The following ZRANB3 variants were observed in gnomAD, a reference collection of about 807,000 sequenced individuals.
ZRANB3 encodes the protein zinc finger RANBP2-type containing 3, also known as DNA annealing helicase and endonuclease ZRANB3.
Under a neutral mutation model 133.8 loss-of-function variants are expected in ZRANB3, and 125 were observed. The ratio of observed to expected loss-of-function variants is 0.93; its 90% CI spans 0.81 to 1.08. ZRANB3 has a LOEUF of 1.08. ZRANB3 is among the 50% of genes least tolerant of loss of function. The probability of loss-of-function intolerance (pLI) is 0.00; values close to 1 mark genes in which losing one functional copy is unlikely to be tolerated. For missense variants in ZRANB3, 1,229 were observed against 1,275.5 expected (o/e 0.96, Z 0.56); for synonymous variants, 387 against 432.7 (o/e 0.89, Z 1.31).
At chr2:135,505,406 T>C (rs1038503936) in intron 1 of ZRANB3, among the ~76,000 whole-genome samples, 10 of 152,028 alleles carry the variant, frequency 6.6e-5, no homozygotes, top group Admixed American at 5.9e-4. Context: ...AAACCCCATA[T>C]CTATTAAAAA....
At chr2:135,384,690 T>A (rs927874758) in intron 3 of ZRANB3, among the ~76,000 whole-genome samples, 13 of 152,176 alleles carry the variant, frequency 8.5e-5, no homozygotes, top group Non-Finnish European at 1.6e-4. Flanking sequence ...TGGTTCAACA[T>A]ATGCAAATCA....
Position 135,419,639 on chromosome 2 carries a change from A to G in ZRANB3, c.162-28819T>C, listed in dbSNP as rs560073877. Reference sequence around the variant, plus strand: ...TGAGATAACTATCCTTGGCCACGGGAATCAGTAACAAGGATGGCACCAGTC... The same window carrying G: ...TGAGATAACTATCCTTGGCCACGGGGATCAGTAACAAGGATGGCACCAGTC... On this transcript the variant is annotated intron_variant, in intron 2 of 20. Transcript: ENST00000264159. 3.9e-5 allele frequency among the ~76,000 whole-genome samples: 6 copies of G among 152,086 alleles called. No homozygotes were observed. The East Asian group carries it at 1.2e-3, about 29-fold the overall frequency.
At chr2:135,461,897 T>C (rs1690782543) in intron 2 of ZRANB3, among the ~76,000 whole-genome samples, 1 of 152,114 alleles carries the variant, frequency 6.6e-6, no homozygotes, top group Admixed American at 6.5e-5. Context: ...TTAAAACATA[T>C]AAATCATTTA....
intron 2 of ZRANB3, among the ~76,000 whole-genome samples, chr2:135,480,345 C>T (rs760405899): frequency 9.2e-5 from 14 of 152,074 alleles, no homozygotes; most frequent in Admixed American, 7.9e-4. Context: ...ATAGTAAAAC[C>T]ACCAGGTATT....
Position 135,199,317 on chromosome 2 carries a change from G to A in ZRANB3, c.*1025C>T, listed in dbSNP as rs1408421566. On this transcript the variant is annotated 3_prime_UTR_variant, in exon 21 of 21. Transcript: ENST00000264159. ...TTTTTTTGTTTGTTTGTTTGTTTGA[G>A]ACGGAGTCTCGCTCTGTCGCCCAGG... 2 of 152,024 alleles carry A rather than the reference G, an allele frequency of 1.3e-5. No individual in the cohort carries two copies. Among genetic ancestry groups the A allele is most frequent in the Non-Finnish European group, 2.9e-5 (2 of 68,030 alleles). The allele number at this position is 152,024 out of a possible 1,614,324, so 9.4% of individuals were successfully genotyped here. A position where few individuals can be genotyped will look rare whatever the true frequency, so the allele number is the denominator to read the frequency against.
At chr2:135,323,276 A>G (rs1005061149) in intron 6 of ZRANB3, among the ~76,000 whole-genome samples, 9 of 152,220 alleles carry the variant, frequency 5.9e-5, no homozygotes, top group Non-Finnish European at 1.3e-4. Context: ...ATATCAAATA[A>G]TAGTGCCTTG....
intron 2 of ZRANB3, among the ~76,000 whole-genome samples, chr2:135,503,444 T>C (rs1475758896): frequency 1.3e-5 from 2 of 152,188 alleles, no homozygotes; most frequent in African/African-American, 4.8e-5. Flanking sequence ...TTTAAACTGT[T>C]CATAATAAAA....
chr2:135,313,103 T>C (rs1051404120), intron 8 of ZRANB3, among the ~76,000 whole-genome samples: 2 of 151,414 alleles, frequency 1.3e-5, no homozygotes, highest in African/African-American at 4.8e-5. Flanking sequence ...TCCTCCCGCA[T>C]CAAAATATAC....
chr2:135,296,280 T>C (rs1422614707), intron 8 of ZRANB3, among the ~76,000 whole-genome samples: 2 of 152,194 alleles, frequency 1.3e-5, no homozygotes, highest in East Asian at 3.8e-4. Context: ...TTCATTTCTT[T>C]TTATTCTTTT....
chr2:135,236,948 A>G (rs1695314503), intron 12 of ZRANB3, among the ~76,000 whole-genome samples: 4 of 152,178 alleles, frequency 2.6e-5, no homozygotes, highest in Non-Finnish European at 4.4e-5. Context: ...ATGGGATCTA[A>G]TTAAACTAAA....
At chr2:135,264,471 A>C (rs1199274226) in intron 12 of ZRANB3, among the ~76,000 whole-genome samples, 1 of 111,308 alleles carries the variant, frequency 9.0e-6, no homozygotes, top group Non-Finnish European at 1.9e-5. Flanking sequence ...ACTCTGTCTC[A>C]AAAAAAAAAA....
At chr2:135,396,812 AT>A (rs1687512535) in intron 2 of ZRANB3, among the ~76,000 whole-genome samples, 1 of 152,206 alleles carries the variant, frequency 6.6e-6, no homozygotes, top group African/African-American at 2.4e-5. Flanking sequence ...TTAAAACAAT[AT>A]AATTGGATTG....
chr2:135,215,830 G>C (rs1468703506), intron 17 of ZRANB3, among the ~76,000 whole-genome samples: 1 of 152,028 alleles, frequency 6.6e-6, no homozygotes, highest in Non-Finnish European at 1.5e-5. Flanking sequence ...TCTGTTTTGG[G>C]GGGTGCAATC....
At chr2:135,393,286 A>G (rs548216742) in intron 2 of ZRANB3, among the ~76,000 whole-genome samples, 3 of 152,318 alleles carry the variant, frequency 2.0e-5, no homozygotes, top group African/African-American at 7.2e-5. Flanking sequence ...AGAAAACTAA[A>G]AAGCAATACT....
intron 14 of ZRANB3, among the ~76,000 whole-genome samples, chr2:135,225,651 A>G (rs1694730364): frequency 6.6e-6 from 1 of 152,140 alleles, no homozygotes; most frequent in Non-Finnish European, 1.5e-5. Context: ...TGTTGCTACT[A>G]TATGTATTTA....
At chr2:135,480,078 C>T (rs1192291301) in intron 2 of ZRANB3, among the ~76,000 whole-genome samples, 2 of 151,116 alleles carry the variant, frequency 1.3e-5, no homozygotes, top group Admixed American at 6.6e-5. Context: ...GGACTACAGG[C>T]GCCCGCCACC....
intron 6 of ZRANB3, among the ~76,000 whole-genome samples, chr2:135,334,691 C>T (rs1321062178): frequency 1.3e-5 from 2 of 151,880 alleles, no homozygotes; most frequent in African/African-American, 2.4e-5. Flanking sequence ...GTCAGGAGAT[C>T]GAGACCATCC....
chr2:135,302,577 G>A (rs1266407190), intron 8 of ZRANB3, among the ~76,000 whole-genome samples: 1 of 150,794 alleles, frequency 6.6e-6, no homozygotes, highest in Non-Finnish European at 1.5e-5. Context: ...CCAGGTTGGA[G>A]TGCAGTGGCA....
chr2:135,394,016 C>A (rs1274362544), intron 2 of ZRANB3, among the ~76,000 whole-genome samples: 1 of 151,366 alleles, frequency 6.6e-6, no homozygotes, highest in East Asian at 1.9e-4. Context: ...CGCCACCATG[C>A]CCAGCTAATT....
Sources: allele counts gnomAD v4.1 joint callset (sites outside exome capture counted in the v4.1 genomes callset), GRCh38; gene constraint gnomAD v4.1.1; transcripts MANE v1.5; gene names NCBI Gene and HGNC (gene_info 2026-07-23, HGNC 2026-07-21).